The following PRKG1 variants were observed in gnomAD, a reference collection of about 807,000 sequenced individuals.
PRKG1 encodes the protein protein kinase cGMP-dependent 1.
A neutral mutation model predicts 88.1 loss-of-function variants in PRKG1; 35 were observed. The observed-to-expected ratio is 0.40, with a 90% confidence interval of 0.30 to 0.53. The LOEUF (loss-of-function observed/expected upper bound fraction) is 0.53, where lower values mean the gene tolerates loss of function less well. PRKG1 is among the 20% of genes least tolerant of loss of function. The probability of loss-of-function intolerance (pLI) is 0.59; values close to 1 mark genes in which losing one functional copy is unlikely to be tolerated. For synonymous variants in PRKG1, 303 were observed against 292.5 expected, an observed-to-expected ratio of 1.04 and a Z score of -0.37; for missense variants, 540 against 839.8, an observed-to-expected ratio of 0.64 and a Z score of 4.41.
chr10:51,649,682 A>G (rs1361628095), intron 3 of PRKG1, among the ~76,000 whole-genome samples: 1 of 152,230 alleles, frequency 6.6e-6, no homozygotes, highest in Non-Finnish European at 1.5e-5. Flanking sequence ...GAACGAAAGC[A>G]GGGATTTATA....
rs1418060818 is a variant in PRKG1, at chr10:51,344,128, T to A, written c.479-123595T>A. ...TTAACTTGCTCATGGTTCTGCAGGC[T>A]GTACAGGAAGCATGAGGCTGACATT... is the stretch of plus-strand genomic sequence containing the variant. On this transcript the variant is annotated intron_variant, in intron 2 of 17. Coordinates refer to ENST00000373980, the MANE Select transcript of PRKG1 (RefSeq NM_006258.4). 3.9e-5 allele frequency among the ~76,000 whole-genome samples: 6 copies of A among 152,172 alleles called. 1 individual carries two copies. Among genetic ancestry groups the A allele is most frequent in the Admixed American group, 3.9e-4 (6 of 15,274 alleles).
At chr10:51,063,597 A>C (rs1486433200) in intron 1 of PRKG1, among the ~76,000 whole-genome samples, 1 of 152,232 alleles carries the variant, frequency 6.6e-6, no homozygotes, top group Non-Finnish European at 1.5e-5. Flanking sequence ...TATCATTGAC[A>C]GAAAAGTTAT....
chr10:51,567,165 C>T (rs542103882), intron 3 of PRKG1, among the ~76,000 whole-genome samples: 140 of 152,116 alleles, frequency 9.2e-4, no homozygotes, highest in African/African-American at 3.1e-3. Flanking sequence ...TTTGTACTGA[C>T]ATTTGCCATT....
At chr10:51,335,594 C>T (rs890439702) in intron 2 of PRKG1, among the ~76,000 whole-genome samples, 4 of 152,086 alleles carry the variant, frequency 2.6e-5, no homozygotes, top group Non-Finnish European at 2.9e-5. Context: ...TGCAGTGGCA[C>T]GATGTCGGCT....
intron 5 of PRKG1, among the ~76,000 whole-genome samples, chr10:51,942,301 T>C (rs1370782656): frequency 2.0e-5 from 3 of 151,982 alleles, no homozygotes; most frequent in Non-Finnish European, 2.9e-5. Flanking sequence ...ATGGGGTTGT[T>C]TGTTTTTTTC....
intron 3 of PRKG1, among the ~76,000 whole-genome samples, chr10:51,781,086 G>A (rs1032836878): frequency 1.3e-5 from 2 of 152,050 alleles, no homozygotes; most frequent in African/African-American, 4.8e-5. Flanking sequence ...TATTCATAAT[G>A]ATTACTGTGT....
chr10:52,190,134 G>A lies in PRKG1; in HGVS notation c.1076+28171G>A, dbSNP rs1564510003. 5.3e-5 allele frequency among the ~76,000 whole-genome samples: 8 copies of A among 152,314 alleles called. No homozygotes were observed. In the South Asian group the frequency reaches 1.5e-3, roughly 28 times the overall value. ...GACAGTGGATACTGGTAACAGTGAG[G>A]AGGAGGAAAATCATCAGGAGCCCAT... On this transcript the variant is annotated intron_variant, in intron 9 of 17. Coordinates refer to ENST00000373980, the MANE Select transcript of PRKG1 (RefSeq NM_006258.4).
intron 2 of PRKG1, among the ~76,000 whole-genome samples, chr10:51,413,239 T>C (rs1261725238): frequency 6.6e-6 from 1 of 152,236 alleles, no homozygotes; most frequent in Non-Finnish European, 1.5e-5. Flanking sequence ...ATTGTTGTTA[T>C]TTCTTTCTTT....
At chr10:52,081,144 T>C (rs1589589252) in intron 7 of PRKG1, among the ~76,000 whole-genome samples, 1 of 152,214 alleles carries the variant, frequency 6.6e-6, no homozygotes, top group African/African-American at 2.4e-5. Context: ...CAATGTGTGA[T>C]GTTTACCTTG....
chr10:51,556,322 A>T (rs1015893616), intron 3 of PRKG1, among the ~76,000 whole-genome samples: 3 of 152,104 alleles, frequency 2.0e-5, no homozygotes, highest in Non-Finnish European at 4.4e-5. Context: ...ACTATATGAT[A>T]TAAACTTCCA....
intron 4 of PRKG1, among the ~76,000 whole-genome samples, chr10:51,881,818 A>C (rs540000941): frequency 6.6e-6 from 1 of 152,280 alleles, no homozygotes; most frequent in Admixed American, 6.5e-5. Flanking sequence ...TATTTATTGT[A>C]GTCTTCACAA....
intron 2 of PRKG1, among the ~76,000 whole-genome samples, chr10:51,352,826 A>G (rs1842280130): frequency 6.6e-6 from 1 of 152,218 alleles, no homozygotes; most frequent in African/African-American, 2.4e-5. Flanking sequence ...AAAAATAACA[A>G]AACTGGAGGA....
At chr10:51,982,350 G>A (rs1272982030) in intron 5 of PRKG1, among the ~76,000 whole-genome samples, 11 of 152,104 alleles carry the variant, frequency 7.2e-5, no homozygotes, top group Non-Finnish European at 1.6e-4. Flanking sequence ...AACTTTTGCC[G>A]GAGGGGTAGC....
chr10:52,234,316 A>T (rs1840617613), intron 9 of PRKG1, among the ~76,000 whole-genome samples: 1 of 152,212 alleles, frequency 6.6e-6, no homozygotes, highest in Non-Finnish European at 1.5e-5. Context: ...CTGGATGGAG[A>T]ATGACTTTGA....
intron 9 of PRKG1, among the ~76,000 whole-genome samples, chr10:52,174,132 ACTC>A (rs1838790948): frequency 6.6e-6 from 1 of 151,244 alleles, no homozygotes; most frequent in African/African-American, 2.4e-5. Context: ...TTTTTGGTAA[ACTC>A]CTTGTAATAG....
intron 2 of PRKG1, among the ~76,000 whole-genome samples, chr10:51,457,486 A>G (rs1023739443): frequency 5.3e-5 from 8 of 152,156 alleles, no homozygotes; most frequent in Non-Finnish European, 1.0e-4. Flanking sequence ...TACGCTGCTC[A>G]GGTGATGGGT....
At chr10:51,187,637 T>C (rs1322093970) in intron 2 of PRKG1, among the ~76,000 whole-genome samples, 1 of 151,954 alleles carries the variant, frequency 6.6e-6, no homozygotes, top group Non-Finnish European at 1.5e-5. Context: ...TTTTCATGCC[T>C]CAGTGATGGG....
intron 5 of PRKG1, chr10:51,910,992 T>C (rs1842203692): frequency 6.6e-6 from 1 of 152,212 alleles, no homozygotes; most frequent in Non-Finnish European, 1.5e-5. Context: ...CTGTGATCCA[T>C]ATACAGATTC....
At chr10:51,881,562 C>T (rs996224923) in intron 4 of PRKG1, among the ~76,000 whole-genome samples, 4 of 152,126 alleles carry the variant, frequency 2.6e-5, no homozygotes, top group African/African-American at 7.2e-5. Context: ...GCTGATGGTA[C>T]CAGGCCTCTT....
Sources: gnomAD v4.1 joint callset for allele counts (sites outside exome capture counted in the v4.1 genomes callset) on GRCh38, gnomAD v4.1.1 for gene constraint, MANE v1.5 for transcripts, NCBI Gene and HGNC (gene_info 2026-07-23, HGNC 2026-07-21) for gene names.